The following FAM228B variants were observed in gnomAD, a reference collection of about 807,000 sequenced individuals.
The protein encoded by FAM228B is family with sequence similarity 228 member B, also known as protein FAM228B.
Under a neutral mutation model 42.6 loss-of-function variants are expected in FAM228B, and 38 were observed. That is an observed-to-expected ratio of 0.89 (90% CI 0.69 to 1.17). FAM228B has a LOEUF of 1.17. Ranked by LOEUF, FAM228B falls within the 50% of genes most tolerant of loss-of-function variation. The pLI is 0.00. For synonymous variants in FAM228B, 109 were observed against 122.3 expected, an observed-to-expected ratio of 0.89 and a Z score of 0.72; for missense variants, 344 against 367.3, an observed-to-expected ratio of 0.94 and a Z score of 0.52.
upstream of FAM228B, chr2:24,122,632 G>A (rs1398801528): frequency 1.3e-5 from 11 of 822,584 alleles, no homozygotes; most frequent in Non-Finnish European, 2.3e-5. Flanking sequence ...AGACACTGCA[G>A]ACAGTTCTAA....
At chr2:24,124,573 GTTTA>G (rs1666255557) in intron 2 of FAM228B, 113 bp downstream of exon 2, 4 of 635,392 alleles carry the variant, frequency 6.3e-6, no homozygotes, top group Middle Eastern at 2.8e-4. Flanking sequence ...ATTTCATTCT[GTTTA>G]TTATTCCCTT....
At chr2:24,105,428 AAAG>A (rs1203867788) in intron 3 of FAM228B, among the ~76,000 whole-genome samples, 3 of 152,226 alleles carry the variant, frequency 2.0e-5, no homozygotes, top group Non-Finnish European at 2.9e-5. Context: ...CAAGGGCATC[AAAG>A]AAGAAAAAAG....
In FAM228B at chr2:24,080,852, C is replaced by T. The variant is rs771687757; in HGVS notation, c.-289-24C>T. The T allele has an allele frequency of 1.2e-6, 2 of 1,614,182 alleles. No individual in the cohort carries two copies. Among genetic ancestry groups the T allele is most frequent in the Non-Finnish European group, 1.7e-6 (2 of 1,180,030 alleles). On this transcript the variant is annotated intron_variant, in intron 1 of 10. Coordinates refer to the FAM228B transcript ENST00000613899. The surrounding 1 kb of genome is among the most constrained non-coding windows in gnomAD (Gnocchi z 4.7). ...AATTTCAGCGTTGCTTCAGAGAAATCCTCTTTTTTGTAATTGAATCCAGCA... is the reference window on the plus strand; with the variant it reads ...AATTTCAGCGTTGCTTCAGAGAAATTCTCTTTTTTGTAATTGAATCCAGCA...
intron 8 of FAM228B, among the ~76,000 whole-genome samples, chr2:24,163,686 G>T (rs1036956349): frequency 6.6e-6 from 1 of 152,256 alleles, no homozygotes; most frequent in East Asian, 1.9e-4. Flanking sequence ...TATAAAAGGA[G>T]AGATTTTGTT....
intron 3 of FAM228B, among the ~76,000 whole-genome samples, chr2:24,098,430 T>TA (rs1665545079): frequency 6.6e-6 from 1 of 151,876 alleles, no homozygotes; most frequent in African/African-American, 2.4e-5. Context: ...ATAGATGCAA[T>TA]AAAAAATGAT....
chr2:24,100,198 G>A (rs1305218426), intron 3 of FAM228B, among the ~76,000 whole-genome samples: 8 of 152,068 alleles, frequency 5.3e-5, no homozygotes, highest in Admixed American at 2.0e-4. Flanking sequence ...CATTCAGGAC[G>A]TAGGCATGGG....
At chr2:24,089,537 T>C (rs56326157) in intron 2 of FAM228B, among the ~76,000 whole-genome samples, 21,710 of 152,076 alleles carry the variant, frequency 0.14, 1,936 homozygotes, top group South Asian at 0.21. Context: ...TGGTCAATGA[T>C]GAGTGAGAAA....
At chr2:24,125,751 C>T (rs958659615) in intron 2 of FAM228B, among the ~76,000 whole-genome samples, 7 of 151,984 alleles carry the variant, frequency 4.6e-5, no homozygotes, top group South Asian at 4.2e-4. Context: ...TTAGTAGAGA[C>T]GGGGTTTCAC....
intron 3 of FAM228B, among the ~76,000 whole-genome samples, chr2:24,101,626 T>C (rs1389838928): frequency 6.6e-6 from 1 of 152,154 alleles, no homozygotes; most frequent in Admixed American, 6.5e-5. Context: ...TACTTATTGC[T>C]AGAATTGGAC....
intron 9 of FAM228B, chr2:24,166,054 A>ATATATATATATATATATATAT (rs1553334355): frequency 6.3e-4 from 51 of 81,036 alleles, no homozygotes; most frequent in African/African-American, 9.2e-4. Flanking sequence ...AAAAAAAAAA[A>ATATATATATATATATATATAT]ATATATATAT....
upstream of FAM228B, chr2:24,122,876 TAAAATAA>T (rs1666165404): frequency 5.5e-6 from 1 of 183,128 alleles, no homozygotes. Flanking sequence ...AAAAACTCTG[TAAAATAA>T]AAAATAAAAA....
At chr2:24,160,189 C>CTT (rs1667254879) in intron 7 of FAM228B, among the ~76,000 whole-genome samples, 1 of 151,750 alleles carries the variant, frequency 6.6e-6, no homozygotes, top group Non-Finnish European at 1.5e-5. Flanking sequence ...GAGGTTTCAC[C>CTT]GTGTTGACCA....
chr2:24,079,580 T>C (rs1573716178), intron 1 of FAM228B: 1 of 1,614,028 alleles, frequency 6.2e-7, no homozygotes, highest in Non-Finnish European at 8.5e-7. Flanking sequence ...AGCCAGGCAG[T>C]TGACGTTCTT....
chr2:24,132,230 G>C (rs992752473), intron 2 of FAM228B, among the ~76,000 whole-genome samples: 4 of 152,150 alleles, frequency 2.6e-5, no homozygotes, highest in South Asian at 2.1e-4. Context: ...GATTCAGTTT[G>C]CCAGTATTTT....
chr2:24,124,531 T>C (rs1666254047), intron 2 of FAM228B, 71 bp downstream of exon 2: 2 of 853,422 alleles, frequency 2.3e-6, no homozygotes, highest in South Asian at 3.7e-5. Context: ...TGGCTTGTGC[T>C]AAATATATTG....
At chr2:24,120,888 T>C (rs955422770), upstream of FAM228B, among the ~76,000 whole-genome samples, 1 of 147,636 alleles carries the variant, frequency 6.8e-6, no homozygotes, top group African/African-American at 2.5e-5. Context: ...TTTTTTTTTT[T>C]AAAGGAGGAT....
At chr2:24,126,396 A>G (rs933812905) in intron 2 of FAM228B, among the ~76,000 whole-genome samples, 2 of 152,198 alleles carry the variant, frequency 1.3e-5, no homozygotes, top group African/African-American at 2.4e-5. Context: ...AAAGATGTAT[A>G]GTGACATCTC....
At chr2:24,157,255 T>C (rs145448029) in intron 7 of FAM228B, among the ~76,000 whole-genome samples, 1 of 152,324 alleles carries the variant, frequency 6.6e-6, no homozygotes, top group Admixed American at 6.5e-5. Context: ...ATATGGTCTA[T>C]CTTGGAGAAC....
chr2:24,089,625 A>G (rs1261341679), intron 2 of FAM228B, among the ~76,000 whole-genome samples: 1 of 152,072 alleles, frequency 6.6e-6, no homozygotes, highest in Non-Finnish European at 1.5e-5. Flanking sequence ...TCCCTGAGTG[A>G]GAAATACTCA....
Sources: gnomAD v4.1 joint callset for allele counts (sites outside exome capture counted in the v4.1 genomes callset) on GRCh38, gnomAD v4.1.1 for gene constraint, Gnocchi (gnomAD v3.1) non-coding constraint, MANE v1.5 for transcripts, NCBI Gene and HGNC (gene_info 2026-07-23, HGNC 2026-07-21) for gene names.